Variants in SMC6 observed in about 807,000 individuals in gnomAD.
SMC6 encodes structural maintenance of chromosomes protein 6.
Under a neutral mutation model 142.2 loss-of-function variants are expected in SMC6, and 79 were observed. That is an observed-to-expected ratio of 0.56 (90% CI 0.46 to 0.67). SMC6 has a LOEUF of 0.67. Among genes scored for constraint, SMC6 ranks in the 30% least tolerant of loss-of-function variants. The probability of loss-of-function intolerance (pLI) is 0.00; values close to 1 mark genes in which losing one functional copy is unlikely to be tolerated. For synonymous variants in SMC6, 411 were observed against 412.4 expected (o/e 1.00, Z 0.04); for missense variants, 1,072 against 1,284.0 (o/e 0.83, Z 2.52).
At chr2:17,716,990 C>T in intron 13 of SMC6, 85 bp from the exon 14 acceptor site, 1 of 1,514,270 alleles carries the variant, frequency 6.6e-7, no homozygotes, top group Non-Finnish European at 8.9e-7. Flanking sequence ...TAATAAAATT[C>T]CATTAACAAC....
chr2:17,746,221 T>C (rs956379507), intron 2 of SMC6: 3 of 295,104 alleles, frequency 1.0e-5, no homozygotes, highest in African/African-American at 6.6e-5. Flanking sequence ...CCCAGTGAGA[T>C]CTGTGTTGGA....
chr2:17,679,509 T>C (rs1667146499), intron 24 of SMC6: 2 of 152,284 alleles, frequency 1.3e-5, no homozygotes, highest in Non-Finnish European at 2.9e-5. Context: ...ATATATTAGA[T>C]GGCATTTTAC....
In SMC6 at chr2:17,716,077, G is replaced by A; in HGVS notation, c.1525+9C>T. 2.0e-6 allele frequency: 3 copies of A among 1,488,270 alleles called. No individual in the cohort carries two copies. The highest frequency in any genetic ancestry group is 1.5e-5 in the South Asian group (1 of 68,902). The allele number at this position is 1,488,270 out of a possible 1,614,324, so 92.2% of individuals were successfully genotyped here. ...GTTTATTATAACCTCGCTAAATTAA[G>A]ACAAATACCTAAAGGGCCTACAGGT... On this transcript the variant is annotated intron_variant, in intron 15 of 27. Coordinates refer to ENST00000448223, the MANE Select transcript of SMC6 (RefSeq NM_001142286.2).
intron 23 of SMC6, among the ~76,000 whole-genome samples, chr2:17,691,234 AC>A (rs1256192110): frequency 6.0e-5 from 1 of 16,786 alleles, no homozygotes; most frequent in African/African-American, 1.8e-4. Context: ...AAATGTGTAT[AC>A]ACACACACAC....
chr2:17,688,046 G>T (rs79581786), intron 23 of SMC6, among the ~76,000 whole-genome samples: 11 of 152,214 alleles, frequency 7.2e-5, no homozygotes, highest in African/African-American at 2.6e-4. Context: ...ACAAGGAATA[G>T]GTTAAGGTTA....
chr2:17,672,204 G>A (rs547165645), intron 25 of SMC6, among the ~76,000 whole-genome samples: 1 of 152,200 alleles, frequency 6.6e-6, no homozygotes, highest in South Asian at 2.1e-4. Context: ...GAAGCCCCAA[G>A]TAAATCTGGG....
intron 21 of SMC6, among the ~76,000 whole-genome samples, chr2:17,698,197 C>G (rs888259431): frequency 7.2e-5 from 11 of 151,898 alleles, no homozygotes; most frequent in Non-Finnish European, 1.3e-4. Context: ...TGAAAATGTT[C>G]TAAAATGGTG....
Position 17,670,551 on chromosome 2 carries a change from C to A in SMC6, c.2935G>T (p.Ala979Ser). The A allele has an allele frequency of 1.3e-6, 2 of 1,576,310 alleles. No homozygotes were observed. The highest frequency in any genetic ancestry group is 1.7e-6 in the Non-Finnish European group (2 of 1,168,532). Residue 979 changes from alanine to serine, a missense_variant, in exon 26 of 28, where the codon GCT becomes TCT. This residue lies in a region of SMC6 where 994 missense variants were observed against 1,153.2 expected (regional missense o/e 0.86). Transcript: ENST00000448223. ...ISVQPGEGNK[A>S]AFNDMRALSG... ...AAGGCTCTCATGTCATTGAAAGCAG[C>A]TTTATTTCCTTCTCCAGGCTGAACC...
intron 23 of SMC6, among the ~76,000 whole-genome samples, chr2:17,688,216 G>T (rs1667547165): frequency 4.6e-5 from 7 of 151,532 alleles, no homozygotes. Flanking sequence ...TTAAAAAAAG[G>T]AACCAGGGCT....
intron 16 of SMC6, among the ~76,000 whole-genome samples, chr2:17,709,420 CAT>C (rs1346943994): frequency 6.6e-6 from 1 of 152,070 alleles, no homozygotes; most frequent in Non-Finnish European, 1.5e-5. Context: ...AAAATGTAAA[CAT>C]GTGAGCTATC....
At chr2:17,689,667 G>C (rs1214804937) in intron 23 of SMC6, among the ~76,000 whole-genome samples, 1 of 152,112 alleles carries the variant, frequency 6.6e-6, no homozygotes, top group Admixed American at 6.6e-5. Flanking sequence ...TAGATCCAGG[G>C]CCCCCTGGGC....
chr2:17,710,486 T>G (rs1213495776), intron 16 of SMC6, among the ~76,000 whole-genome samples: 2 of 152,120 alleles, frequency 1.3e-5, no homozygotes, highest in Non-Finnish European at 2.9e-5. Context: ...TGTAAAGCCA[T>G]GCAATCAGAT....
intron 6 of SMC6, among the ~76,000 whole-genome samples, 162 bp downstream of exon 6, chr2:17,731,579 C>T (rs1216147737): frequency 6.6e-6 from 1 of 152,018 alleles, no homozygotes; most frequent in Non-Finnish European, 1.5e-5. Flanking sequence ...GGTAAAACAA[C>T]CATGTGTAAC....
chr2:17,682,331 G>A (rs1028498864), intron 24 of SMC6, among the ~76,000 whole-genome samples: 1 of 152,166 alleles, frequency 6.6e-6, no homozygotes, highest in Admixed American at 6.6e-5. Flanking sequence ...AGAACTGCCT[G>A]CTAGTTCTAG....
intron 5 of SMC6, 33 bp from the exon 6 acceptor site, chr2:17,731,910 A>C (rs776839058): frequency 2.5e-6 from 4 of 1,602,712 alleles, no homozygotes; most frequent in Middle Eastern, 1.7e-4. Flanking sequence ...AGTTACATGA[A>C]GATACAGTGT....
chr2:17,740,869 A>C (rs1348049741), intron 4 of SMC6: 3 of 243,066 alleles, frequency 1.2e-5, no homozygotes, highest in Non-Finnish European at 2.5e-5. Context: ...AAAAACAAAA[A>C]AACAAAAAAA....
chr2:17,687,283 T>C (rs1185800311), intron 23 of SMC6, among the ~76,000 whole-genome samples: 11 of 152,170 alleles, frequency 7.2e-5, no homozygotes, highest in Admixed American at 7.2e-4. Flanking sequence ...TGTGCGTGCA[T>C]GTGCAAGATA....
chr2:17,753,324 T>TGGGGACGGCGGCCTGGGA (rs1671167621), intron 1 of SMC6, among the ~76,000 whole-genome samples: 1 of 123,630 alleles, frequency 8.1e-6, no homozygotes, highest in Non-Finnish European at 1.8e-5. Context: ...CGGGAGAGTC[T>TGGGGACGGCGGCCTGGGA]GGGGACGGCC....
intron 25 of SMC6, among the ~76,000 whole-genome samples, chr2:17,674,223 G>T (rs543189696): frequency 9.2e-5 from 14 of 152,118 alleles, no homozygotes; most frequent in African/African-American, 2.9e-4. Flanking sequence ...GAAATCCTAT[G>T]GCTGTATCAT....
Sources: allele counts gnomAD v4.1 joint callset (sites outside exome capture counted in the v4.1 genomes callset), GRCh38; gene constraint gnomAD v4.1.1; regional missense constraint gnomAD v4.1.1; transcripts MANE v1.5; gene names NCBI Gene and HGNC (gene_info 2026-07-23, HGNC 2026-07-21).